The following YTHDF2 variants were observed in gnomAD, a reference collection of about 807,000 sequenced individuals.
YTHDF2 encodes the protein YTH domain-containing family protein 2.
In YTHDF2, 2 loss-of-function variants were observed where a neutral mutation model predicts 50.4. The ratio of observed to expected loss-of-function variants is 0.04; its 90% confidence interval spans 0.02 to 0.12. The LOEUF (loss-of-function observed/expected upper bound fraction) is 0.12. Among genes scored for constraint, YTHDF2 ranks in the 10% least tolerant of loss-of-function variants. YTHDF2 has a pLI of 1.00. For synonymous variants in YTHDF2, 217 were observed against 255.6 expected, an observed-to-expected ratio of 0.85 and a Z score of 1.44; for missense variants, 483 against 722.6, an observed-to-expected ratio of 0.67 and a Z score of 3.80.
At chr1:28,745,877 A>T (rs1039478812) in intron 4 of YTHDF2, among the ~76,000 whole-genome samples, 1 of 122,954 alleles carries the variant, frequency 8.1e-6, no homozygotes, top group East Asian at 5.2e-4. Context: ...CCATCTCTCT[A>T]AAAAAGAAAA....
At chr1:28,761,720 G>A (rs1488243945) in intron 4 of YTHDF2, among the ~76,000 whole-genome samples, 1 of 152,068 alleles carries the variant, frequency 6.6e-6, no homozygotes, top group Non-Finnish European at 1.5e-5. Flanking sequence ...CAACAAGAGC[G>A]AAACTCTGTC....
At position 28,743,768 on chromosome 1, in the gene YTHDF2, A is replaced by T. The variant is rs549546489; in HGVS notation, c.1498A>T (p.Ile500Phe). Residue 500 changes from isoleucine to phenylalanine, a missense_variant, in exon 4 of 5, where the codon ATT becomes TTT. By Grantham distance (21) the Ile-to-Phe change is conservative. Around this residue, in one of 4 missense-constraint regions of YTHDF2, gnomAD observed 59 missense variants for 168.9 expected, o/e 0.35. Transcript: ENST00000373812. This position sits in a 1 kb window ranked among gnomAD's most constrained non-coding sequence, Gnocchi z 6.9. The stretch of plus-strand genomic sequence containing the variant: ...GAAGGGTCGTTTTGATGTCAGGTGG[A>T]TTTTTGTGAAGGACGTTCCCAATAG... Reference protein sequence around the residue: ...KWKGRFDVRWIFVKDVPNSQL... With the variant: ...KWKGRFDVRWFFVKDVPNSQL... 10 of 1,613,246 alleles carry T rather than the reference A, an allele frequency of 6.2e-6. No individual in the cohort carries two copies. The highest frequency in any genetic ancestry group is 8.5e-6 in the Non-Finnish European group (10 of 1,179,564).
intron 4 of YTHDF2, among the ~76,000 whole-genome samples, chr1:28,757,878 TATA>T (rs1405510413): frequency 1.3e-5 from 2 of 152,152 alleles, no homozygotes; most frequent in Non-Finnish European, 2.9e-5. Context: ...GTGCTTTAGG[TATA>T]ATATTTACCC....
intron 1 of YTHDF2, chr1:28,737,455 G>A: frequency 1.5e-6 from 1 of 688,188 alleles, no homozygotes; most frequent in Non-Finnish European, 2.3e-6. Context: ...CCGGTGGCGC[G>A]TCTGCCGCGT....
At chr1:28,763,186 A>G (rs887889684) in intron 4 of YTHDF2, among the ~76,000 whole-genome samples, 3 of 152,328 alleles carry the variant, frequency 2.0e-5, no homozygotes, top group South Asian at 4.1e-4. Context: ...GGATGGGTGG[A>G]TAGAGATGTC....
chr1:28,760,800 A>G (rs1352967531), intron 4 of YTHDF2, among the ~76,000 whole-genome samples: 1 of 151,952 alleles, frequency 6.6e-6, no homozygotes, highest in African/African-American at 2.4e-5. Context: ...TGCTGGTCTC[A>G]AACTCCTGAT....
chr1:28,749,353 T>G (rs953580068), intron 4 of YTHDF2, among the ~76,000 whole-genome samples: 9 of 152,000 alleles, frequency 5.9e-5, no homozygotes, highest in African/African-American at 2.2e-4. Context: ...CTAATTTTTT[T>G]GTATTTTTAG....
chr1:28,765,652 A>G (rs945019262), intron 4 of YTHDF2, among the ~76,000 whole-genome samples: 3 of 151,920 alleles, frequency 2.0e-5, no homozygotes, highest in Non-Finnish European at 4.4e-5. Context: ...GGGTCTCACT[A>G]TGTTGCCCAA....
At chr1:28,760,330 T>C (rs1243202217) in intron 4 of YTHDF2, among the ~76,000 whole-genome samples, 2 of 151,546 alleles carry the variant, frequency 1.3e-5, no homozygotes, top group African/African-American at 4.9e-5. Flanking sequence ...AGTCTTGCTG[T>C]GTCGCCCAGG....
chr1:28,743,152 G>T lies in YTHDF2; in HGVS notation c.882G>T (p.Gln294His), dbSNP rs1257533090. 1 of 1,614,182 alleles carries T rather than the reference G, an allele frequency of 6.2e-7. No individual in the cohort carries two copies. Among genetic ancestry groups the T allele is most frequent in the Non-Finnish European group, 8.5e-7 (1 of 1,180,040 alleles). ...AAGCCCCCTCACAGGCTTTGGTTCA[G>T]AATATAGGTCAGCCAACCCAGGGGT... ...VAKAPSQALV[Q>H]NIGQPTQGSP... The change falls in exon 4 of 5, where the codon CAG becomes CAT. Residue 294 changes from glutamine (Q) to histidine (H), a missense_variant. This residue lies in a region of YTHDF2 where 385 missense variants were observed against 475.8 expected (regional missense o/e 0.81). Transcript: ENST00000373812. The surrounding 1 kb of genome is among the most constrained non-coding windows in gnomAD (Gnocchi z 6.9).
rs546335998 is a variant in YTHDF2, at chr1:28,745,419, G to GT, written c.1716+1436dup. Among the ~76,000 whole-genome samples, 53 of 152,348 alleles carry GT rather than the reference G, an allele frequency of 3.5e-4. No homozygotes were observed. In the South Asian group the frequency reaches 6.2e-3, roughly 18 times the overall value. ...CCTTTAAACTCCTCTCTTCCCCACA[G>GT]TTTAATAGTTTAACTTAAAGTCTTC... is the stretch of plus-strand genomic sequence containing the variant. On this transcript the variant is annotated intron_variant, in intron 4 of 4. Transcript: ENST00000373812.
intron 4 of YTHDF2, among the ~76,000 whole-genome samples, chr1:28,745,532 C>G (rs989261804): frequency 6.6e-6 from 1 of 151,908 alleles, no homozygotes; most frequent in Non-Finnish European, 1.5e-5. Context: ...TCAGGACCAG[C>G]TTGACCAACA....
chr1:28,753,477 C>T (rs774372088), intron 4 of YTHDF2, among the ~76,000 whole-genome samples: 4 of 148,474 alleles, frequency 2.7e-5, no homozygotes, highest in Non-Finnish European at 5.9e-5. Flanking sequence ...GAGCCCGGGA[C>T]GTCAAGTCTG....
In YTHDF2 at chr1:28,737,649, C is replaced by T. The variant is rs201493831; in HGVS notation, c.28-9C>T. The T allele has an allele frequency of 4.3e-6, 7 of 1,613,996 alleles. No homozygotes were observed. In the Admixed American group the frequency reaches 1.0e-4, roughly 23 times the overall value. On this transcript the variant is annotated splice_polypyrimidine_tract_variant and intron_variant, in intron 1 of 4. Coordinates refer to ENST00000373812, the MANE Select transcript of YTHDF2 (RefSeq NM_016258.3). The stretch of plus-strand genomic sequence containing the variant: ...ACTTGCTGCTCGGCGACGTTTCCTT[C>T]CCCTGCAGAGACCAAAAGGTCAAGG...
rs1217960966 is a variant in YTHDF2, at chr1:28,753,763, A to G, written c.1716+9777A>G. ...GCTTTGTCCCCCAGGCTGGAGTGCA[A>G]TGGCGCGATCTTGGCTCGCTGCAGC... On this transcript the variant is annotated intron_variant, in intron 4 of 4. Transcript: ENST00000373812. 2.0e-5 allele frequency among the ~76,000 whole-genome samples: 3 copies of G among 149,706 alleles called. No individual in the cohort carries two copies. In the Admixed American group the frequency reaches 2.0e-4, roughly 10 times the overall value.
intron 4 of YTHDF2, among the ~76,000 whole-genome samples, chr1:28,749,983 G>GTTT (rs1374878554): frequency 4.0e-4 from 22 of 55,242 alleles, no homozygotes; most frequent in African/African-American, 1.1e-3. Context: ...GAAAAAAAAG[G>GTTT]TTGTTTTTTT....
intron 4 of YTHDF2, among the ~76,000 whole-genome samples, chr1:28,762,792 T>G (rs926740814): frequency 6.6e-6 from 1 of 152,212 alleles, no homozygotes; most frequent in African/African-American, 2.4e-5. Flanking sequence ...TATGGCTTTT[T>G]GTATATTTCC....
At chr1:28,761,610 G>A (rs928190604) in intron 4 of YTHDF2, among the ~76,000 whole-genome samples, 16 of 152,120 alleles carry the variant, frequency 1.1e-4, no homozygotes, top group Non-Finnish European at 2.2e-4. Context: ...GGTGGCGCAC[G>A]CATGTAATCC....
chr1:28,738,289 G>A lies in YTHDF2; in HGVS notation c.83G>A (p.Gly28Glu), dbSNP rs2087725633. 2 of 1,614,082 alleles carry A rather than the reference G, an allele frequency of 1.2e-6. No homozygotes were observed. Among genetic ancestry groups the A allele is most frequent in the East Asian group, 2.2e-5 (1 of 44,880 alleles). Residue 28 changes from glycine to glutamate, a missense_variant, in exon 3 of 5, where the codon GGA (glycine) becomes GAA (glutamate). This residue lies in a region of YTHDF2 where 385 missense variants were observed against 475.8 expected (regional missense o/e 0.81). Coordinates refer to ENST00000373812, the MANE Select transcript of YTHDF2 (RefSeq NM_016258.3). ...AATGGATCTGTACATCAAAAGGATG[G>A]ATTAAACGATGATGATTTTGAACCT... ...VQNGSVHQKD[G>E]LNDDDFEPYL...
Sources: gnomAD v4.1 joint callset for allele counts (sites outside exome capture counted in the v4.1 genomes callset) on GRCh38, gnomAD v4.1.1 for gene constraint, gnomAD v4.1.1 regional missense constraint, Gnocchi (gnomAD v3.1) non-coding constraint, MANE v1.5 for transcripts, NCBI Gene and HGNC (gene_info 2026-07-23, HGNC 2026-07-21) for gene names.